Variants in FRK observed in about 807,000 individuals in gnomAD.
The protein encoded by FRK is fyn related Src family tyrosine kinase, also known as tyrosine-protein kinase FRK.
Under a neutral mutation model 56.4 loss-of-function variants are expected in FRK, and 51 were observed. The ratio of observed to expected loss-of-function variants is 0.90; its 90% CI spans 0.72 to 1.14. The LOEUF is 1.14. Ranked by LOEUF, FRK falls within the 50% of genes most tolerant of loss-of-function variation. FRK has a pLI of 0.00. For synonymous variants in FRK, 245 were observed against 217.9 expected (o/e 1.12, Z -1.10); for missense variants, 570 against 601.4 (o/e 0.95, Z 0.55).
the FRK span, among the ~76,000 whole-genome samples, chr6:116,083,802 T>G: frequency 6.6e-6 from 1 of 151,556 alleles, no homozygotes; most frequent in Non-Finnish European, 1.5e-5. Context: ...CTCCTGAGTA[T>G]GTGGGAGCCA....
chr6:115,941,559 A>T lies in FRK; in HGVS notation c.*855T>A, dbSNP rs1772182928. 1 of 152,144 alleles carries T rather than the reference A, an allele frequency of 6.6e-6. No homozygotes were observed. Among genetic ancestry groups the T allele is most frequent in the Non-Finnish European group, 1.5e-5 (1 of 68,010 alleles). The allele number at this position is 152,144 out of a possible 1,614,324, so 9.4% of individuals were successfully genotyped here. A position where few individuals can be genotyped will look rare whatever the true frequency, so the allele number is the denominator to read the frequency against. On this transcript the variant is annotated 3_prime_UTR_variant, in exon 8 of 8. Coordinates refer to ENST00000606080, the MANE Select transcript of FRK (RefSeq NM_002031.3). Reference sequence around the variant, plus strand: ...GGCCAAAGGGTACTTCTTTTTCTTTATTAATTACTCAGAAGTCTAGGCCAC... The same window carrying T: ...GGCCAAAGGGTACTTCTTTTTCTTTTTTAATTACTCAGAAGTCTAGGCCAC...
intron 1 of FRK, among the ~76,000 whole-genome samples, chr6:116,054,383 T>G (rs1420344585): frequency 6.8e-6 from 1 of 147,064 alleles, no homozygotes; most frequent in Non-Finnish European, 1.5e-5. Flanking sequence ...AACAACCATA[T>G]GTATATTTAT....
At chr6:116,026,343 T>C (rs1776087211) in intron 1 of FRK, among the ~76,000 whole-genome samples, 1 of 152,300 alleles carries the variant, frequency 6.6e-6, no homozygotes, top group Admixed American at 6.5e-5. Flanking sequence ...CTGATTTCAG[T>C]TGAGAAGTGT....
At chr6:116,077,308 G>A in the FRK span, among the ~76,000 whole-genome samples, 2 of 152,180 alleles carry the variant, frequency 1.3e-5, no homozygotes, top group African/African-American at 2.4e-5. Context: ...GTTGTGGAAG[G>A]AATATTTCAC....
intron 1 of FRK, among the ~76,000 whole-genome samples, chr6:116,023,468 T>C (rs1054410606): frequency 6.6e-6 from 1 of 152,134 alleles, no homozygotes; most frequent in African/African-American, 2.4e-5. Context: ...AGCAAACTAA[T>C]GATACATACA....
At chr6:116,041,237 A>C (rs1342030310) in intron 1 of FRK, among the ~76,000 whole-genome samples, 4 of 152,152 alleles carry the variant, frequency 2.6e-5, no homozygotes, top group Non-Finnish European at 4.4e-5. Flanking sequence ...CAAGGTATTG[A>C]GTTGCTTTTT....
intron 1 of FRK, among the ~76,000 whole-genome samples, chr6:116,005,477 C>G (rs1775214782): frequency 6.6e-6 from 1 of 152,182 alleles, no homozygotes; most frequent in Non-Finnish European, 1.5e-5. Flanking sequence ...AATGAACCCA[C>G]TGGCAGTAAG....
chr6:116,041,864 C>T (rs1213916615), intron 1 of FRK, among the ~76,000 whole-genome samples: 3 of 152,150 alleles, frequency 2.0e-5, no homozygotes, highest in Non-Finnish European at 2.9e-5. Context: ...CTTTTTCATA[C>T]CCCAGTGGTG....
chr6:115,942,334 T>C lies in FRK; in HGVS notation c.*80A>G. 1 of 1,142,182 alleles carries C rather than the reference T, an allele frequency of 8.8e-7. No homozygotes were observed. Among genetic ancestry groups the C allele is most frequent in the Non-Finnish European group, 1.3e-6 (1 of 770,866 alleles). 70.8% of individuals were successfully genotyped at this position (1,142,182 alleles called of 1,614,324 possible). A position where few individuals can be genotyped will look rare whatever the true frequency, so the allele number is the denominator to read the frequency against. On this transcript the variant is annotated 3_prime_UTR_variant, in exon 8 of 8. Coordinates refer to ENST00000606080, the MANE Select transcript of FRK (RefSeq NM_002031.3). ...ATGTCAGGATAAACTGATTGTGCAG[T>C]TGGTTGATAACATTGTATTTTGGAA...
rs1469305115 is a variant in FRK at position 115,931,737 on chromosome 6, C to T, written c.*10677G>A. ...TAATACCAAGCAGTTTTCTTTTTCA[C>T]AAATAGTATAATTGAAGCCTCTATT... On this transcript the variant is annotated 3_prime_UTR_variant, in exon 8 of 8. Transcript: ENST00000606080. The T allele has an allele frequency of 1.3e-5, 2 of 152,120 alleles. No homozygotes were observed. Among genetic ancestry groups the T allele is most frequent in the Non-Finnish European group, 2.9e-5 (2 of 68,000 alleles). 9.4% of individuals were successfully genotyped at this position (152,120 alleles called of 1,614,324 possible). A position where few individuals can be genotyped will look rare whatever the true frequency, so the allele number is the denominator to read the frequency against.
At chr6:115,971,911 G>A (rs1773818986) in intron 2 of FRK, among the ~76,000 whole-genome samples, 1 of 152,178 alleles carries the variant, frequency 6.6e-6, no homozygotes, top group Non-Finnish European at 1.5e-5. Context: ...TAAGAGCAGA[G>A]AGAAGAGGGA....
chr6:116,049,162 C>A (rs1390403510), intron 1 of FRK, among the ~76,000 whole-genome samples: 2 of 152,100 alleles, frequency 1.3e-5, no homozygotes, highest in Non-Finnish European at 2.9e-5. Flanking sequence ...TTAGATAAAA[C>A]CCACTCTTTA....
At chr6:116,000,639 A>G (rs914524606) in intron 2 of FRK, among the ~76,000 whole-genome samples, 6 of 152,184 alleles carry the variant, frequency 3.9e-5, no homozygotes, top group Admixed American at 2.0e-4. Flanking sequence ...ATTGCCAAAG[A>G]CAAATAAACA....
At chr6:115,973,334 C>T (rs560971295) in intron 2 of FRK, among the ~76,000 whole-genome samples, 29 of 152,240 alleles carry the variant, frequency 1.9e-4, no homozygotes, top group African/African-American at 6.5e-4. Flanking sequence ...CGCATGTTCT[C>T]ACTCATAAAT....
chr6:116,078,453 A>G, the FRK span, among the ~76,000 whole-genome samples: 1 of 152,200 alleles, frequency 6.6e-6, no homozygotes, highest in Non-Finnish European at 1.5e-5. Flanking sequence ...TGGGATGGAC[A>G]CATAGACTCC....
the FRK span, among the ~76,000 whole-genome samples, chr6:116,092,905 T>A: frequency 6.6e-6 from 1 of 152,156 alleles, no homozygotes. Flanking sequence ...CCACAAACCC[T>A]GAAAAAGAGG....
chr6:115,937,292 C>T lies in FRK; in HGVS notation c.*5122G>A, dbSNP rs935254104. 4 of 152,088 alleles carry T rather than the reference C, an allele frequency of 2.6e-5. No homozygotes were observed. The highest frequency in any genetic ancestry group is 9.7e-5 in the African/African-American group (4 of 41,394). 9.4% of individuals were successfully genotyped at this position (152,088 alleles called of 1,614,324 possible). A position where few individuals can be genotyped will look rare whatever the true frequency, so the allele number is the denominator to read the frequency against. ...AGCAAATGCTGAGAGATTTTGTTAC[C>T]ACCAGGCCTGCCCTAAAAGAGCTCC... On this transcript the variant is annotated 3_prime_UTR_variant, in exon 8 of 8. Transcript: ENST00000606080.
chr6:116,065,900 A>G, the FRK span, among the ~76,000 whole-genome samples: 9 of 152,168 alleles, frequency 5.9e-5, no homozygotes, highest in Middle Eastern at 3.2e-3. Flanking sequence ...CTTATATGTA[A>G]TTGTGTTGTT....
At chr6:116,037,615 T>C (rs1776537024) in intron 1 of FRK, among the ~76,000 whole-genome samples, 1 of 152,240 alleles carries the variant, frequency 6.6e-6, no homozygotes. Flanking sequence ...TGCATACTAT[T>C]ATCTGTCTAC....
Sources: allele counts gnomAD v4.1 joint callset (sites outside exome capture counted in the v4.1 genomes callset), GRCh38; gene constraint gnomAD v4.1.1; transcripts MANE v1.5; gene names NCBI Gene and HGNC (gene_info 2026-07-23, HGNC 2026-07-21).